Variants in RNLS observed in about 807,000 individuals in gnomAD.
RNLS encodes the protein renalase.
A neutral mutation model predicts 39.8 loss-of-function variants in RNLS; 39 were observed. The ratio of observed to expected loss-of-function variants is 0.98; its 90% confidence interval spans 0.76 to 1.28. The LOEUF (loss-of-function observed/expected upper bound fraction) is 1.28. Among genes scored for constraint, RNLS ranks in the 50% most tolerant of loss-of-function variants. The pLI, the probability that RNLS is intolerant of heterozygous loss-of-function variation, is 0.00. For synonymous variants in RNLS, 147 were observed against 150.7 expected, an observed-to-expected ratio of 0.98 and a Z score of 0.18; for missense variants, 410 against 413.3, an observed-to-expected ratio of 0.99 and a Z score of 0.07.
intron 4 of RNLS, among the ~76,000 whole-genome samples, chr10:88,437,737 G>A (rs1270378799): frequency 6.6e-6 from 1 of 152,098 alleles, no homozygotes; most frequent in African/African-American, 2.4e-5. Context: ...CTCATCCCTA[G>A]TTCTTATGAA....
the RNLS span, among the ~76,000 whole-genome samples, chr10:88,174,094 G>A: frequency 6.6e-6 from 1 of 151,612 alleles, no homozygotes; most frequent in Non-Finnish European, 1.5e-5. Context: ...TTTGTAAGTT[G>A]ATTTTGTATC....
rs774974412 is a variant in RNLS at position 88,314,596 on chromosome 10, G to A, written c.746C>T (p.Pro249Leu). ...GTGTTCCAAGTATGTAACTCCAAAT[G>A]GGACAGTGGTGTGAATCACGAGGGA... Reference protein sequence around the residue: ...GPSLVIHTTVPFGVTYLEHSI... With the variant: ...GPSLVIHTTVLFGVTYLEHSI... Residue 249 changes from proline (P) to leucine (L), a missense_variant, in exon 6 of 7, where the codon CCA becomes CTA. Coordinates refer to ENST00000331772, the MANE Select transcript of RNLS (RefSeq NM_001031709.3). 7.6e-5 allele frequency: 122 copies of A among 1,613,736 alleles called. No homozygotes were observed. In the Middle Eastern group the frequency reaches 1.3e-3, roughly 17 times the overall value.
At chr10:88,418,422 A>G (rs1056795728) in intron 4 of RNLS, among the ~76,000 whole-genome samples, 1 of 152,178 alleles carries the variant, frequency 6.6e-6, no homozygotes, top group East Asian at 1.9e-4. Flanking sequence ...TGAAGACAGT[A>G]TATTAGTTAG....
chr10:88,266,480 C>G, the RNLS span, among the ~76,000 whole-genome samples: 1 of 152,080 alleles, frequency 6.6e-6, no homozygotes, highest in Non-Finnish European at 1.5e-5. Flanking sequence ...GTTGGATGCC[C>G]AGCAGTCTCA....
At chr10:88,433,656 G>A (rs1855273740) in intron 4 of RNLS, among the ~76,000 whole-genome samples, 1 of 152,054 alleles carries the variant, frequency 6.6e-6, no homozygotes, top group Admixed American at 6.6e-5. Flanking sequence ...TAGTAGGAAT[G>A]TAATGAATGC....
intron 4 of RNLS, among the ~76,000 whole-genome samples, chr10:88,448,066 C>G (rs1842143650): frequency 6.6e-6 from 1 of 152,166 alleles, no homozygotes. Flanking sequence ...TAGAAGAAAG[C>G]CTAGGCAATA....
At chr10:88,397,479 G>T (rs1014987152) in intron 4 of RNLS, among the ~76,000 whole-genome samples, 3 of 151,896 alleles carry the variant, frequency 2.0e-5, no homozygotes, top group Admixed American at 2.0e-4. Flanking sequence ...GCAGTGCTTA[G>T]AGTAAAATTT....
the RNLS span, among the ~76,000 whole-genome samples, chr10:88,180,092 C>T: frequency 6.6e-6 from 1 of 152,318 alleles, no homozygotes; most frequent in East Asian, 1.9e-4. Flanking sequence ...AAGGATAGAT[C>T]TTTCTTTCTG....
Position 88,459,419 on chromosome 10 carries a change from G to A in RNLS, c.527-96694C>T, listed in dbSNP as rs533875562. ...TACTTTTATTGGAAATACTGGGGCT[G>A]AGAAAGAGAGTAAATTCATTAATGC... On this transcript the variant is annotated intron_variant, in intron 4 of 6. Coordinates refer to ENST00000331772, the MANE Select transcript of RNLS (RefSeq NM_001031709.3). Among the ~76,000 whole-genome samples the A allele has an allele frequency of 2.0e-5, 3 of 152,200 alleles. No homozygotes were observed. In the South Asian group the frequency reaches 6.2e-4, roughly 32 times the overall value.
At chr10:88,251,366 T>C in the RNLS span, among the ~76,000 whole-genome samples, 1 of 152,250 alleles carries the variant, frequency 6.6e-6, no homozygotes, top group Non-Finnish European at 1.5e-5. Context: ...ATGAGCAGCA[T>C]GTGACTTTGA....
intron 4 of RNLS, among the ~76,000 whole-genome samples, chr10:88,476,493 C>A (rs144101540): frequency 4.6e-5 from 7 of 151,960 alleles, no homozygotes; most frequent in African/African-American, 9.7e-5. Context: ...ATTATGAGGA[C>A]GGGGACAACA....
intron 6 of RNLS, among the ~76,000 whole-genome samples, chr10:88,297,770 T>C (rs1048918916): frequency 2.0e-5 from 3 of 152,214 alleles, no homozygotes; most frequent in African/African-American, 7.2e-5. Flanking sequence ...TTTCCACTTG[T>C]GGCTAAAGTG....
At chr10:88,223,363 T>C in the RNLS span, among the ~76,000 whole-genome samples, 1 of 152,190 alleles carries the variant, frequency 6.6e-6, no homozygotes, top group African/African-American at 2.4e-5. Flanking sequence ...GAAACCATAA[T>C]GTAAAAATGA....
At chr10:88,505,230 T>G (rs1242914003) in intron 4 of RNLS, among the ~76,000 whole-genome samples, 1 of 151,174 alleles carries the variant, frequency 6.6e-6, no homozygotes, top group Non-Finnish European at 1.5e-5. Flanking sequence ...TAACAATAGC[T>G]ATGGCATCAT....
intron 4 of RNLS, among the ~76,000 whole-genome samples, chr10:88,450,702 A>G (rs188882377): frequency 6.6e-6 from 1 of 152,364 alleles, no homozygotes; most frequent in East Asian, 1.9e-4. Flanking sequence ...GGAGTCTTGA[A>G]TCAATAACAT....
intron 4 of RNLS, among the ~76,000 whole-genome samples, chr10:88,382,733 A>G (rs1582224): frequency 0.89 from 135,446 of 152,104 alleles, 60,506 homozygotes; most frequent in Non-Finnish European, 0.92. Flanking sequence ...CATCTTGATG[A>G]GTTGACAGAT....
chr10:88,515,735 T>C (rs1846372331), intron 4 of RNLS, among the ~76,000 whole-genome samples: 1 of 151,974 alleles, frequency 6.6e-6, no homozygotes, highest in African/African-American at 2.4e-5. Flanking sequence ...GCTCAATAAG[T>C]GTTTAAGAAA....
intron 4 of RNLS, among the ~76,000 whole-genome samples, chr10:88,416,330 C>T (rs920869805): frequency 5.3e-5 from 8 of 151,360 alleles, no homozygotes; most frequent in Admixed American, 2.0e-4. Flanking sequence ...CTTGGCTCAC[C>T]GCAACCTCTG....
At chr10:88,488,244 A>C (rs1477089998) in intron 4 of RNLS, among the ~76,000 whole-genome samples, 1 of 152,070 alleles carries the variant, frequency 6.6e-6, no homozygotes, top group East Asian at 1.9e-4. Context: ...ACCTCAATGA[A>C]TCTGTTAAAA....
Sources: allele counts gnomAD v4.1 joint callset (sites outside exome capture counted in the v4.1 genomes callset), GRCh38; gene constraint gnomAD v4.1.1; transcripts MANE v1.5; gene names NCBI Gene and HGNC (gene_info 2026-07-23, HGNC 2026-07-21).